Variants in CAMKMT observed in about 807,000 individuals in gnomAD.
CAMKMT encodes calmodulin-lysine N-methyltransferase, also known as CaM KMT.
A neutral mutation model predicts 48.0 loss-of-function variants in CAMKMT; 53 were observed. The observed-to-expected ratio is 1.10, with a 90% CI of 0.89 to 1.39. The LOEUF (loss-of-function observed/expected upper bound fraction) is 1.39. Ranked by LOEUF, CAMKMT falls within the 40% of genes most tolerant of loss-of-function variation. The pLI, the probability that CAMKMT is intolerant of heterozygous loss-of-function variation, is 0.00. For missense variants in CAMKMT, 428 were observed against 402.7 expected, an observed-to-expected ratio of 1.06 and a Z score of -0.54; for synonymous variants, 165 against 152.3, an observed-to-expected ratio of 1.08 and a Z score of -0.61.
chr2:44,427,654 T>G (rs1684358205), intron 3 of CAMKMT, among the ~76,000 whole-genome samples: 1 of 152,186 alleles, frequency 6.6e-6, no homozygotes, highest in Non-Finnish European at 1.5e-5. Flanking sequence ...AAGTATCCCC[T>G]GTATCTTAAA....
intron 3 of CAMKMT, among the ~76,000 whole-genome samples, chr2:44,475,153 T>G (rs1668621946): frequency 6.6e-6 from 1 of 152,234 alleles, no homozygotes. Context: ...GAGTATTTAA[T>G]AAATTTTATT....
intron 3 of CAMKMT, among the ~76,000 whole-genome samples, chr2:44,565,201 C>T (rs776465864): frequency 3.5e-4 from 53 of 152,288 alleles, no homozygotes; most frequent in Non-Finnish European, 8.8e-5. Flanking sequence ...TTGATGGCAA[C>T]ACCTTCAAAC....
At chr2:44,440,536 C>T (rs1666586144) in intron 3 of CAMKMT, among the ~76,000 whole-genome samples, 1 of 152,098 alleles carries the variant, frequency 6.6e-6, no homozygotes, top group South Asian at 2.1e-4. Context: ...TAGCCACTAA[C>T]TCTATGGCTT....
intron 3 of CAMKMT, among the ~76,000 whole-genome samples, chr2:44,471,995 C>A (rs375427319): frequency 1.6e-4 from 24 of 152,190 alleles, no homozygotes; most frequent in African/African-American, 5.8e-4. Flanking sequence ...GTACTATTTT[C>A]AAATAGTACT....
chr2:44,457,493 G>C (rs1412847087), intron 3 of CAMKMT, among the ~76,000 whole-genome samples: 1 of 151,454 alleles, frequency 6.6e-6, no homozygotes, highest in Admixed American at 6.6e-5. Context: ...CCACCCCCCG[G>C]GTTCAAGCGA....
intron 3 of CAMKMT, among the ~76,000 whole-genome samples, chr2:44,611,586 C>A (rs1671601765): frequency 6.6e-6 from 1 of 152,022 alleles, no homozygotes; most frequent in South Asian, 2.1e-4. Context: ...TCTGGAACAC[C>A]CACAAAAGGG....
intron 7 of CAMKMT, among the ~76,000 whole-genome samples, chr2:44,734,116 A>T: frequency 1.3e-5 from 2 of 150,602 alleles, no homozygotes; most frequent in Non-Finnish European, 1.5e-5. Flanking sequence ...GTCAAGTTTA[A>T]CTTACTCTTC....
chr2:44,665,051 C>A (rs76379080), intron 3 of CAMKMT, among the ~76,000 whole-genome samples: 1 of 151,984 alleles, frequency 6.6e-6, no homozygotes, highest in Admixed American at 6.6e-5. Flanking sequence ...AGAAGAAGTT[C>A]TCAAAGAGGT....
chr2:44,524,805 C>T (rs1227067453), intron 3 of CAMKMT, among the ~76,000 whole-genome samples: 1 of 152,180 alleles, frequency 6.6e-6, no homozygotes, highest in Non-Finnish European at 1.5e-5. Flanking sequence ...ATCCACCAGG[C>T]CTTGGCACAG....
intron 3 of CAMKMT, among the ~76,000 whole-genome samples, chr2:44,429,005 G>T (rs79006473): frequency 2.0e-5 from 3 of 152,146 alleles, no homozygotes; most frequent in Non-Finnish European, 2.9e-5. Flanking sequence ...TTGAGTCTAA[G>T]AAATATATTT....
At chr2:44,412,375 G>A (rs1041371206) in intron 3 of CAMKMT, among the ~76,000 whole-genome samples, 2 of 151,904 alleles carry the variant, frequency 1.3e-5, no homozygotes, top group Non-Finnish European at 2.9e-5. Flanking sequence ...TGGCTCTGTC[G>A]CCTAGGCTGA....
intron 3 of CAMKMT, among the ~76,000 whole-genome samples, chr2:44,588,209 C>G (rs1182719036): frequency 8.2e-6 from 1 of 121,242 alleles, no homozygotes. Context: ...TGGCAACCGC[C>G]CCGTCTGAGA....
chr2:44,472,765 A>G (rs377176482), intron 3 of CAMKMT, among the ~76,000 whole-genome samples: 4 of 152,244 alleles, frequency 2.6e-5, no homozygotes, highest in African/African-American at 9.6e-5. Flanking sequence ...ACAGAATTCT[A>G]TTCTGCAGAT....
chr2:44,582,798 GA>G (rs1204693775), intron 3 of CAMKMT, among the ~76,000 whole-genome samples: 1 of 152,190 alleles, frequency 6.6e-6, no homozygotes, highest in Non-Finnish European at 1.5e-5. Context: ...GTGAATACCA[GA>G]AAACACAGCT....
chr2:44,754,867 T>C (rs1351845333), intron 9 of CAMKMT, among the ~76,000 whole-genome samples: 3 of 152,046 alleles, frequency 2.0e-5, no homozygotes, highest in Non-Finnish European at 4.4e-5. Context: ...AAAAAAACCT[T>C]ATAACTATGT....
intron 3 of CAMKMT, among the ~76,000 whole-genome samples, chr2:44,681,408 A>G (rs1354063819): frequency 4.6e-5 from 7 of 152,198 alleles, no homozygotes; most frequent in Admixed American, 4.6e-4. Flanking sequence ...CGAGAAGCCC[A>G]GTCCTATTTA....
intron 3 of CAMKMT, among the ~76,000 whole-genome samples, chr2:44,703,575 C>T (rs1443206879): frequency 1.3e-5 from 2 of 151,882 alleles, no homozygotes; most frequent in African/African-American, 2.4e-5. Context: ...GTCAGGAGTT[C>T]GAGACCAGCT....
chr2:44,623,272 C>A (rs971554679), intron 3 of CAMKMT, among the ~76,000 whole-genome samples: 70 of 152,160 alleles, frequency 4.6e-4, no homozygotes, highest in African/African-American at 1.7e-3. Context: ...ATTCCGTAGG[C>A]TGTCTGTTTA....
chr2:44,564,688 G>A (rs927105552), intron 3 of CAMKMT, among the ~76,000 whole-genome samples: 2 of 152,092 alleles, frequency 1.3e-5, no homozygotes, highest in Non-Finnish European at 1.5e-5. Flanking sequence ...TTACAAGCAT[G>A]TGCCACCATG....
Sources: allele counts gnomAD v4.1 joint callset (sites outside exome capture counted in the v4.1 genomes callset), GRCh38; gene constraint gnomAD v4.1.1; transcripts MANE v1.5; gene names NCBI Gene and HGNC (gene_info 2026-07-23, HGNC 2026-07-21).